The following MAD1L1 variants were observed in gnomAD, a reference collection of about 807,000 sequenced individuals.
MAD1L1 encodes the protein mitotic arrest deficient 1 like 1.
MAD1L1 carries 95 observed loss-of-function variants against 96.9 expected under a neutral mutation model. The ratio of observed to expected loss-of-function variants is 0.98; its 90% CI spans 0.83 to 1.16. The LOEUF (loss-of-function observed/expected upper bound fraction) is 1.16, where lower values mean the gene tolerates loss of function less well. Ranked by LOEUF, MAD1L1 falls within the 50% of genes most tolerant of loss-of-function variation. MAD1L1 has a pLI of 0.00. For missense variants in MAD1L1, 1,007 were observed against 954.4 expected, an observed-to-expected ratio of 1.06 and a Z score of -0.73; for synonymous variants, 473 against 396.6, an observed-to-expected ratio of 1.19 and a Z score of -2.29.
intron 16 of MAD1L1, among the ~76,000 whole-genome samples, chr7:1,955,570 C>A (rs960684906): frequency 6.6e-6 from 1 of 152,172 alleles, no homozygotes; most frequent in Non-Finnish European, 1.5e-5. Flanking sequence ...GGATTACAGG[C>A]GTGAGCCACC....
chr7:2,229,844 A>G, intron 3 of MAD1L1, 140 bp downstream of exon 3: 2 of 918,878 alleles, frequency 2.2e-6, no homozygotes, highest in Non-Finnish European at 1.6e-6. Flanking sequence ...AGGAGTGCCC[A>G]TAGTGAGACC....
At chr7:1,978,148 C>G (rs1010908973) in intron 15 of MAD1L1, among the ~76,000 whole-genome samples, 1 of 152,232 alleles carries the variant, frequency 6.6e-6, no homozygotes, top group Non-Finnish European at 1.5e-5. Context: ...TCCCAGCTCC[C>G]CCTCTCACTG....
At position 2,210,400 on chromosome 7, in the gene MAD1L1, G is replaced by A. The variant is rs911719526; in HGVS notation, c.986+2812C>T. Among the ~76,000 whole-genome samples, 7 of 152,110 alleles carry A rather than the reference G, an allele frequency of 4.6e-5. 1 individual carries two copies. Among genetic ancestry groups the A allele is most frequent in the East Asian group, 1.9e-4 (1 of 5,174 alleles). ...ATGCACACGTTTACCAAACCCTCCC[G>A]GTGATTCTAGGAGCCGTATTCGGGA... On this transcript the variant is annotated intron_variant, in intron 10 of 18. Coordinates refer to ENST00000265854, the MANE Select transcript of MAD1L1 (RefSeq NM_001013836.2).
At chr7:2,120,168 G>T (rs1333847752) in intron 11 of MAD1L1, among the ~76,000 whole-genome samples, 2 of 152,176 alleles carry the variant, frequency 1.3e-5, no homozygotes, top group Non-Finnish European at 2.9e-5. Context: ...CTCTCCACCT[G>T]CTGGCTTTGC....
intron 17 of MAD1L1, among the ~76,000 whole-genome samples, chr7:1,901,550 A>C (rs890920863): frequency 1.3e-5 from 2 of 152,212 alleles, no homozygotes; most frequent in Non-Finnish European, 2.9e-5. Context: ...GGCTGAGGCG[A>C]GACAGTGGTG....
rs1787019486 is a variant in MAD1L1, at chr7:1,898,292, G to T, written c.1906C>A (p.Leu636Ile). The T allele has an allele frequency of 6.2e-7, 1 of 1,614,138 alleles. No homozygotes were observed. The change falls in exon 18 of 19, where the codon CTC (leucine) becomes ATC (isoleucine). Residue 636 changes from leucine to isoleucine, a missense_variant. Leu to Ile is a conservative substitution (Grantham distance 5). Transcript: ENST00000265854. ...IQEFRKACYT[L>I]TGYQIDITTE... is the part of the protein sequence containing the mutation. ...GTGATGTCGATCTGGTAGCCGGTGA[G>T]CGTGTAGCAGGCCTTGCGGAACTCC...
intron 18 of MAD1L1, chr7:1,817,551 G>A (rs1452258044): frequency 1.3e-5 from 2 of 152,222 alleles, no homozygotes; most frequent in African/African-American, 2.4e-5. Context: ...GAGACCTGTC[G>A]ACACAACTCC....
chr7:1,883,395 T>C (rs1785809311), intron 18 of MAD1L1, among the ~76,000 whole-genome samples: 1 of 152,200 alleles, frequency 6.6e-6, no homozygotes, highest in Non-Finnish European at 1.5e-5. Context: ...ATGAGCTCCC[T>C]TTCCAGAGGC....
intron 18 of MAD1L1, among the ~76,000 whole-genome samples, chr7:1,876,095 A>G (rs10269191): frequency 0.4 from 60,243 of 151,926 alleles, 12,353 homozygotes; most frequent in Admixed American, 0.51. Flanking sequence ...TGTGACGGCA[A>G]CCCCAGCCAG....
At chr7:2,081,865 G>A (rs1785668116) in intron 11 of MAD1L1, among the ~76,000 whole-genome samples, 1 of 152,242 alleles carries the variant, frequency 6.6e-6, no homozygotes. Context: ...CATGCGAGTG[G>A]CCAACAGAGA....
At position 2,029,314 on chromosome 7, in the gene MAD1L1, G is replaced by A. The variant is rs189234525; in HGVS notation, c.1219-14672C>T. On this transcript the variant is annotated intron_variant, in intron 12 of 18. Transcript: ENST00000265854. Reference sequence around the variant, plus strand: ...TAACACAGCAACAGAAACCAAACACGAAAGATTACACGCTGCATGGCTCCA... The same window carrying A: ...TAACACAGCAACAGAAACCAAACACAAAAGATTACACGCTGCATGGCTCCA... Among the ~76,000 whole-genome samples, 8 of 152,230 alleles carry A rather than the reference G, an allele frequency of 5.3e-5. No homozygotes were observed. In the East Asian group the frequency reaches 9.6e-4, roughly 18 times the overall value.
intron 12 of MAD1L1, among the ~76,000 whole-genome samples, chr7:2,045,642 G>A (rs1562634571): frequency 1.3e-5 from 2 of 151,864 alleles, no homozygotes; most frequent in South Asian, 2.1e-4. Context: ...AGCACCTGAC[G>A]ATGCCCTGGA....
intron 16 of MAD1L1, among the ~76,000 whole-genome samples, chr7:1,941,192 C>A (rs1376759474): frequency 6.6e-6 from 1 of 152,194 alleles, no homozygotes; most frequent in Non-Finnish European, 1.5e-5. Context: ...TGGCGTTGGA[C>A]CCAGCAGTGC....
intron 14 of MAD1L1, among the ~76,000 whole-genome samples, chr7:1,983,919 T>TC (rs1781036923): frequency 6.6e-6 from 1 of 152,254 alleles, no homozygotes; most frequent in African/African-American, 2.4e-5. Context: ...ATTTTTCACT[T>TC]TCCTATTAAC....
chr7:1,961,055 A>G (rs1010958463), intron 15 of MAD1L1, among the ~76,000 whole-genome samples: 2 of 152,356 alleles, frequency 1.3e-5, no homozygotes, highest in South Asian at 2.1e-4. Flanking sequence ...ACAGGCCAAG[A>G]AAAACCTGCA....
In MAD1L1 at chr7:2,222,759, T is replaced by C; in HGVS notation, c.292-5A>G. 2 of 1,586,758 alleles carry C rather than the reference T, an allele frequency of 1.3e-6. No individual in the cohort carries two copies. The highest frequency in any genetic ancestry group is 2.2e-5 in the South Asian group (2 of 89,120). ...CTGGTTGCGGTCGACCTCACGCTGT[T>C]AAGAGAGCAAGAGTCAGATGCCACG... is the stretch of plus-strand genomic sequence containing the variant. On this transcript the variant is annotated splice_polypyrimidine_tract_variant and splice_region_variant and intron_variant, in intron 4 of 18. Transcript: ENST00000265854.
chr7:1,895,627 C>T (rs1287385270), intron 18 of MAD1L1, among the ~76,000 whole-genome samples: 3 of 152,350 alleles, frequency 2.0e-5, no homozygotes, highest in South Asian at 4.1e-4. Context: ...CTGAGCCAGC[C>T]CCCGGAACAC....
At chr7:2,113,210 C>T (rs1787474328) in intron 11 of MAD1L1, among the ~76,000 whole-genome samples, 1 of 151,828 alleles carries the variant, frequency 6.6e-6, no homozygotes, top group Admixed American at 6.6e-5. Context: ...GGACAGAAAA[C>T]CGCCCTGGGG....
intron 18 of MAD1L1, among the ~76,000 whole-genome samples, chr7:1,832,710 C>T (rs1782769116): frequency 1.2e-5 from 1 of 82,792 alleles, no homozygotes; most frequent in African/African-American, 4.4e-5. Context: ...CAGCTCACTG[C>T]AACCTCCACC....
Sources: allele counts gnomAD v4.1 joint callset (sites outside exome capture counted in the v4.1 genomes callset), GRCh38; gene constraint gnomAD v4.1.1; transcripts MANE v1.5; gene names NCBI Gene and HGNC (gene_info 2026-07-23, HGNC 2026-07-21).